Variants in GLDC observed in about 807,000 individuals in gnomAD.
GLDC encodes glycine dehydrogenase (decarboxylating), mitochondrial.
In GLDC, 104 loss-of-function variants were observed where a neutral mutation model predicts 121.3. The ratio of observed to expected loss-of-function variants is 0.86; its 90% CI spans 0.73 to 1.01. The LOEUF is 1.01. Among genes scored for constraint, GLDC ranks in the 50% least tolerant of loss-of-function variants. GLDC has a pLI of 0.00. For missense variants in GLDC, 1,429 were observed against 1,306.6 expected (o/e 1.09, Z -1.44); for synonymous variants, 546 against 480.6 (o/e 1.14, Z -1.78).
chr9:6,604,504 T>G lies in GLDC; in HGVS notation c.1058+84A>C, dbSNP rs1410968573. Reference sequence around the variant, plus strand: ...CTGACTCAACATGGCCCAGTTGAATTCAGATAGAAATCAACATTTGTGATC... The same window carrying G: ...CTGACTCAACATGGCCCAGTTGAATGCAGATAGAAATCAACATTTGTGATC... On this transcript the variant is annotated intron_variant, in intron 7 of 24. Coordinates refer to ENST00000321612, the MANE Select transcript of GLDC (RefSeq NM_000170.3). 3.9e-6 allele frequency: 5 copies of G among 1,267,430 alleles called. No individual in the cohort carries two copies. In the East Asian group the frequency reaches 1.2e-4, roughly 29 times the overall value. The allele number at this position is 1,267,430 out of a possible 1,614,324, so 78.5% of individuals were successfully genotyped here. A position where few individuals can be genotyped will look rare whatever the true frequency, so the allele number is the denominator to read the frequency against.
intron 11 of GLDC, among the ~76,000 whole-genome samples, chr9:6,590,133 GAATAAAC>G (rs1400718460): frequency 1.3e-5 from 2 of 151,688 alleles, no homozygotes; most frequent in Non-Finnish European, 2.9e-5. Flanking sequence ...GACACCAAAG[GAATAAAC>G]AATAAACATA....
At chr9:6,559,956 A>G (rs996699512) in intron 16 of GLDC, among the ~76,000 whole-genome samples, 1 of 152,218 alleles carries the variant, frequency 6.6e-6, no homozygotes, top group Non-Finnish European at 1.5e-5. Context: ...ATGTAGCTTC[A>G]GGTTAAGGAA....
intron 22 of GLDC, among the ~76,000 whole-genome samples, chr9:6,536,496 A>T (rs1817132984): frequency 6.6e-6 from 1 of 152,232 alleles, no homozygotes; most frequent in Non-Finnish European, 1.5e-5. Flanking sequence ...TCAAAAGTAC[A>T]TAAATGTGTT....
chr9:6,588,513 C>G (rs559876134), intron 13 of GLDC, 71 bp from the exon 14 acceptor site: 50 of 1,429,962 alleles, frequency 3.5e-5, no homozygotes, highest in Non-Finnish European at 4.6e-5. Context: ...CCTCCATTCT[C>G]CCAGCATGGC....
rs564223590 is a variant in GLDC, at chr9:6,573,825, G to C, written c.1851-8396C>G. 2.6e-5 allele frequency among the ~76,000 whole-genome samples: 4 copies of C among 152,272 alleles called. No individual in the cohort carries two copies. The East Asian group carries it at 7.7e-4, about 29-fold the overall frequency. ...GGCACCTTCAGAGGACCACTCTCAA[G>C]AAAATAAGGGAAAAATGGGTGCAGA... On this transcript the variant is annotated intron_variant, in intron 15 of 24. Transcript: ENST00000321612.
rs145861464 is a variant in GLDC at position 6,574,466 on chromosome 9, C to T, written c.1851-9037G>A. ...TGGGCGACACAGCAAGACTCCGTCT[C>T]AAAAAAAAAAACAAAGAAAAGAAAA... On this transcript the variant is annotated intron_variant, in intron 15 of 24. Coordinates refer to ENST00000321612, the MANE Select transcript of GLDC (RefSeq NM_000170.3). 3.2e-3 allele frequency among the ~76,000 whole-genome samples: 371 copies of T among 117,580 alleles called. 3 individuals are homozygous for T. The highest frequency in any genetic ancestry group is 0.011 in the African/African-American group (352 of 32,406). The allele number at this position is 117,580 out of a possible 152,430, so 77.1% of individuals were successfully genotyped here. A position where few individuals can be genotyped will look rare whatever the true frequency, so the allele number is the denominator to read the frequency against.
intron 8 of GLDC, among the ~76,000 whole-genome samples, chr9:6,596,626 C>G (rs1818498567): frequency 6.6e-6 from 1 of 152,112 alleles, no homozygotes; most frequent in Admixed American, 6.6e-5. Flanking sequence ...TTAAAAGCCT[C>G]AAAAGCTAAT....
intron 20 of GLDC, among the ~76,000 whole-genome samples, chr9:6,551,754 T>C (rs907614458): frequency 2.6e-5 from 4 of 151,826 alleles, no homozygotes; most frequent in African/African-American, 9.7e-5. Flanking sequence ...GTGAGAAGAA[T>C]GGCAGAAATG....
At chr9:6,591,395 C>G (rs1428032918) in intron 11 of GLDC, among the ~76,000 whole-genome samples, 1 of 152,084 alleles carries the variant, frequency 6.6e-6, no homozygotes, top group African/African-American at 2.4e-5. Flanking sequence ...TATCTGAATC[C>G]CTAATAAACT....
chr9:6,631,736 T>C (rs1431050128), intron 2 of GLDC, among the ~76,000 whole-genome samples: 3 of 152,114 alleles, frequency 2.0e-5, no homozygotes, highest in Non-Finnish European at 2.9e-5. Context: ...ACTCAAACAG[T>C]GTATCATGCT....
chr9:6,592,393 C>A (rs1284731290), intron 10 of GLDC, among the ~76,000 whole-genome samples, 170 bp from the exon 11 acceptor site: 1 of 152,192 alleles, frequency 6.6e-6, no homozygotes, highest in African/African-American at 2.4e-5. Context: ...CTAGACCAGT[C>A]CCAGGTTTCA....
chr9:6,577,253 T>G (rs528324432), intron 15 of GLDC, among the ~76,000 whole-genome samples: 1 of 152,382 alleles, frequency 6.6e-6, no homozygotes, highest in South Asian at 2.1e-4. Flanking sequence ...AGTTGTATTC[T>G]GAGTCCACTT....
rs759245719 is a variant in GLDC, at chr9:6,550,843, T to C, written c.2529A>G (p.Arg843=). ...AILNANYMAK[R]LETHYRILFR... is the part of the protein sequence containing the mutation. ...AAAGAATTCTGTAGTGTGTTTCTAA[T>C]CGCTTGGCCATGTAGTTGGCATTTA... is the stretch of plus-strand genomic sequence containing the variant. The change falls in exon 21 of 25, where the codon CGA becomes CGG. Residue 843 remains arginine, a synonymous_variant. Transcript: ENST00000321612. The C allele has an allele frequency of 6.2e-7, 1 of 1,613,718 alleles. No homozygotes were observed. Among genetic ancestry groups the C allele is most frequent in the Non-Finnish European group, 8.5e-7 (1 of 1,179,576 alleles).
In GLDC at chr9:6,630,774, G is replaced by A. The variant is rs114844537; in HGVS notation, c.335-10455C>T. Among the ~76,000 whole-genome samples the A allele has an allele frequency of 8.9e-3, 1,356 of 152,202 alleles. 14 individuals are homozygous for A. The highest frequency in any genetic ancestry group is 0.031 in the African/African-American group (1,287 of 41,526). The stretch of plus-strand genomic sequence containing the variant: ...GGCAGGACTTTCTCATCTTTCTGAA[G>A]GGAAGTCAGAATTTGGAAGCAGATT... On this transcript the variant is annotated intron_variant, in intron 2 of 24. Transcript: ENST00000321612.
chr9:6,605,609 T>C (rs915810063), intron 5 of GLDC, among the ~76,000 whole-genome samples: 1 of 152,202 alleles, frequency 6.6e-6, no homozygotes, highest in East Asian at 1.9e-4. Flanking sequence ...ATCACCTCTT[T>C]CACTGGCATC....
At chr9:6,600,449 G>C (rs1178424890) in intron 8 of GLDC, among the ~76,000 whole-genome samples, 2 of 151,922 alleles carry the variant, frequency 1.3e-5, no homozygotes, top group African/African-American at 4.8e-5. Context: ...GGCCCAGGCA[G>C]GACCATCACT....
At chr9:6,620,096 G>T in intron 3 of GLDC, 88 bp downstream of exon 3, 1 of 1,311,818 alleles carries the variant, frequency 7.6e-7, no homozygotes, top group South Asian at 1.2e-5. Context: ...TCAGTGTGGA[G>T]GCTCTGAGAC....
At chr9:6,595,174 G>C (rs745679400) in intron 8 of GLDC, 55 bp from the exon 9 acceptor site, 3 of 1,134,814 alleles carry the variant, frequency 2.6e-6, no homozygotes, top group Non-Finnish European at 4.0e-6. Context: ...TAGTGGGAGG[G>C]TGTAATTACT....
chr9:6,645,198 G>A (rs950815335), intron 1 of GLDC, 47 bp downstream of exon 1: 51 of 1,525,276 alleles, frequency 3.3e-5, no homozygotes, highest in Non-Finnish European at 4.3e-5. Flanking sequence ...GGCAGAGCCC[G>A]GGCAGGGCGG....
Sources: allele counts gnomAD v4.1 joint callset (sites outside exome capture counted in the v4.1 genomes callset), GRCh38; gene constraint gnomAD v4.1.1; transcripts MANE v1.5; gene names NCBI Gene and HGNC (gene_info 2026-07-23, HGNC 2026-07-21).